KIF9: variants seen among roughly 807,000 people sequenced by gnomAD.
KIF9 encodes the protein kinesin family member 9.
Under a neutral mutation model 94.8 loss-of-function variants are expected in KIF9, and 68 were observed. The observed-to-expected ratio is 0.72, with a 90% CI of 0.59 to 0.88. The LOEUF is 0.88. Among genes scored for constraint, KIF9 ranks in the 40% least tolerant of loss-of-function variants. KIF9 has a pLI of 0.00. For missense variants in KIF9, 882 were observed against 982.5 expected (o/e 0.90, Z 1.37); for synonymous variants, 343 against 362.1 (o/e 0.95, Z 0.60).
At chr3:47,266,883 T>C in intron 7 of KIF9, 93 bp downstream of exon 7, 1 of 948,646 alleles carries the variant, frequency 1.1e-6, no homozygotes, top group Non-Finnish European at 1.7e-6. Context: ...TGTTCACAAA[T>C]ATCCAATGAG....
At chr3:47,251,010 A>G (rs568759727) in intron 10 of KIF9, among the ~76,000 whole-genome samples, 1 of 152,356 alleles carries the variant, frequency 6.6e-6, no homozygotes, top group Admixed American at 6.5e-5. Context: ...GACCCAAGGC[A>G]TGTGACCAGT....
At chr3:47,279,475 C>CA (rs1238422096) in intron 1 of KIF9, among the ~76,000 whole-genome samples, 2,786 of 93,116 alleles carry the variant, frequency 0.03, 75 homozygotes, top group African/African-American at 0.086. Context: ...AGCTCAGTCT[C>CA]AAAAAAAAAA....
chr3:47,263,621 C>A (rs906255559), intron 9 of KIF9: 1 of 335,434 alleles, frequency 3.0e-6, no homozygotes, highest in African/African-American at 2.2e-5. Context: ...ATCCTACCAC[C>A]CATCCTTTAA....
chr3:47,282,744 T>G lies in KIF9; in HGVS notation c.-255A>C. On this transcript the variant is annotated 5_prime_UTR_variant, in exon 1 of 21. It removes an upstream start codon present in the reference 5' UTR. Coordinates refer to ENST00000684063, the MANE Select transcript of KIF9 (RefSeq NM_182902.4). ...CTAGAAAGACTTCGGCGGATGCACA[T>G]GCGAAGTCAAGGTCGAGATAGCGAG... 1.4e-6 allele frequency: 2 copies of G among 1,422,038 alleles called. No homozygotes were observed. The highest frequency in any genetic ancestry group is 9.2e-7 in the Non-Finnish European group (1 of 1,091,694). 88.1% of individuals were successfully genotyped at this position (1,422,038 alleles called of 1,614,324 possible). A position where few individuals can be genotyped will look rare whatever the true frequency, so the allele number is the denominator to read the frequency against.
chr3:47,235,543 G>C lies in KIF9; in HGVS notation c.2292C>G (p.Phe764Leu). The C allele has an allele frequency of 1.2e-6, 2 of 1,614,024 alleles. No homozygotes were observed. The highest frequency in any genetic ancestry group is 1.7e-4 in the Middle Eastern group (1 of 6,060). The stretch of plus-strand genomic sequence containing the variant: ...GCTCTATCTTGACTTTGGCATTGTA[G>C]AAGGAGATGGAATCAGGGCCCTCAG... Reference protein sequence around the residue: ...VLPEGPDSISFYNAKVKIEQK... With the variant: ...VLPEGPDSISLYNAKVKIEQK... The change falls in exon 20 of 21, where the codon TTC (phenylalanine) becomes TTG (leucine). Residue 764 changes from phenylalanine (F) to leucine (L), a missense_variant. Phe to Leu is a conservative substitution (Grantham distance 22). Coordinates refer to ENST00000684063, the MANE Select transcript of KIF9 (RefSeq NM_182902.4).
intron 7 of KIF9, 124 bp downstream of exon 7, chr3:47,266,852 A>T: frequency 2.6e-6 from 2 of 766,924 alleles, no homozygotes; most frequent in Non-Finnish European, 4.5e-6. Context: ...CACATGTCCC[A>T]CTTCGCCTAG....
chr3:47,236,441 A>T lies in KIF9; in HGVS notation c.2101+2T>A. On this transcript the variant is annotated splice_donor_variant, in intron 18 of 20. Transcript: ENST00000684063. LOFTEE classifies it high-confidence loss of function. ...GGCGGCCAACCTTCCCAACTGTCGC[A>T]CCCATGAGCAGGCGGTGGCGACACT... 1 of 1,612,704 alleles carries T rather than the reference A, an allele frequency of 6.2e-7. No homozygotes were observed. Among genetic ancestry groups the T allele is most frequent in the Non-Finnish European group, 8.5e-7 (1 of 1,179,968 alleles).
intron 10 of KIF9, chr3:47,250,721 C>T (rs1700221275): frequency 4.5e-6 from 1 of 224,514 alleles, no homozygotes; most frequent in African/African-American, 2.3e-5. Context: ...CAAGGAACTT[C>T]AAGCTGAGAA....
In KIF9 at chr3:47,266,969, C is replaced by T. The variant is rs746056391; in HGVS notation, c.768+7G>A. Reference sequence around the variant, plus strand: ...TTGAGTAGCAACCTCCAGCCCCCATCACTTACCCCAGACTTCCCCAGCCTC... The same window carrying T: ...TTGAGTAGCAACCTCCAGCCCCCATTACTTACCCCAGACTTCCCCAGCCTC... On this transcript the variant is annotated splice_region_variant and intron_variant, in intron 7 of 20. Transcript: ENST00000684063. 3.7e-6 allele frequency: 6 copies of T among 1,609,114 alleles called. No homozygotes were observed. The South Asian group carries it at 5.5e-5, about 15-fold the overall frequency.
chr3:47,230,717 G>A (rs548049284), intron 20 of KIF9, among the ~76,000 whole-genome samples: 1 of 149,550 alleles, frequency 6.7e-6, no homozygotes, highest in African/African-American at 2.5e-5. Flanking sequence ...GGTGACAGAG[G>A]AAGACTCCAT....
chr3:47,267,872 CT>C (rs1210887622), intron 5 of KIF9, among the ~76,000 whole-genome samples: 177 of 125,736 alleles, frequency 1.4e-3, no homozygotes, highest in East Asian at 5.4e-3. Context: ...TTGTGTTCTC[CT>C]TTTTTTTTTT....
At chr3:47,240,024 C>G in intron 17 of KIF9, 1 of 1,017,286 alleles carries the variant, frequency 9.8e-7, no homozygotes, top group Non-Finnish European at 1.3e-6. Context: ...GTCCTGGGCC[C>G]TGCTCCATCT....
intron 10 of KIF9, among the ~76,000 whole-genome samples, chr3:47,256,721 G>A (rs944774378): frequency 1.2e-4 from 18 of 152,368 alleles, no homozygotes; most frequent in African/African-American, 4.1e-4. Flanking sequence ...GTGGGGAAAG[G>A]ATTGAGAAGT....
chr3:47,271,354 A>C lies in KIF9; in HGVS notation c.474T>G (p.Tyr158Ter). 1 of 1,613,940 alleles carries C rather than the reference A, an allele frequency of 6.2e-7. No individual in the cohort carries two copies. The highest frequency in any genetic ancestry group is 8.5e-7 in the Non-Finnish European group (1 of 1,179,872). ...SLFDLLSTLP[Y>*]VGPSVTPMTI... ...TCATTGGTGTGACTGAGGGTCCAAC[A>C]TAGGGCAGAGTGGACAGGAGATCAA... The change falls in exon 5 of 21, where the codon TAT (tyrosine) becomes TAG (stop). Residue 158 changes from tyrosine (Y) to a stop codon, truncating the protein, a stop_gained. Transcript: ENST00000684063. LOFTEE classifies it high-confidence loss of function.
At chr3:47,264,907 C>T (rs1009574362) in intron 8 of KIF9, among the ~76,000 whole-genome samples, 2 of 152,332 alleles carry the variant, frequency 1.3e-5, no homozygotes, top group Non-Finnish European at 2.9e-5. Context: ...GAGACCAGAA[C>T]CCTCTCTTTC....
intron 5 of KIF9, among the ~76,000 whole-genome samples, chr3:47,268,235 G>A (rs1322729694): frequency 6.6e-6 from 1 of 152,140 alleles, no homozygotes; most frequent in Non-Finnish European, 1.5e-5. Context: ...GAGGCCTTAT[G>A]ACCAGAATAT....
chr3:47,273,720 C>A, intron 3 of KIF9, 62 bp from the exon 4 acceptor site: 1 of 1,431,658 alleles, frequency 7.0e-7, no homozygotes, highest in South Asian at 1.2e-5. Context: ...ACTCTCCCCT[C>A]TCCCAGCATG....
At chr3:47,274,250 G>T (rs1701825418) in intron 3 of KIF9, among the ~76,000 whole-genome samples, 1 of 152,182 alleles carries the variant, frequency 6.6e-6, no homozygotes, top group Non-Finnish European at 1.5e-5. Context: ...ATCAGGCCCT[G>T]ATCTGGTCCA....
chr3:47,276,959 C>A (rs1024037), intron 2 of KIF9: 74,245 of 153,704 alleles, frequency 0.48, 14,593 homozygotes, highest in Middle Eastern at 0.59. Context: ...ACCCCATGGG[C>A]GATTATACAA....
Sources: gnomAD v4.1 joint callset for allele counts (sites outside exome capture counted in the v4.1 genomes callset) on GRCh38, gnomAD v4.1.1 for gene constraint, MANE v1.5 for transcripts, NCBI Gene and HGNC (gene_info 2026-07-23, HGNC 2026-07-21) for gene names.